GRAMD4: variants seen among roughly 807,000 people sequenced by gnomAD.
GRAMD4 encodes GRAM domain-containing protein 4.
A neutral mutation model predicts 83.9 loss-of-function variants in GRAMD4; 25 were observed. The ratio of observed to expected loss-of-function variants is 0.30; its 90% CI spans 0.22 to 0.42. The LOEUF is 0.42. GRAMD4 is among the 10% of genes least tolerant of loss of function. The probability of loss-of-function intolerance (pLI) is 1.00; values close to 1 mark genes in which losing one functional copy is unlikely to be tolerated. For missense variants in GRAMD4, 593 were observed against 788.7 expected, an observed-to-expected ratio of 0.75 and a Z score of 2.97; for synonymous variants, 336 against 320.9, an observed-to-expected ratio of 1.05 and a Z score of -0.50.
intron 1 of GRAMD4, among the ~76,000 whole-genome samples, chr22:46,600,556 A>G (rs2081302672): frequency 6.6e-6 from 1 of 152,200 alleles, no homozygotes; most frequent in Admixed American, 6.5e-5. Context: ...AAAGAGGGAC[A>G]GGGATGCTGA....
intron 3 of GRAMD4, among the ~76,000 whole-genome samples, chr22:46,647,568 C>A (rs745524613): frequency 1.3e-5 from 2 of 152,252 alleles, no homozygotes; most frequent in Admixed American, 6.5e-5. Flanking sequence ...CTGAACACAC[C>A]TGCCTGTGTG....
rs2081585624 is a variant in GRAMD4, at chr22:46,622,192, AT to A, written c.-50+1629del. 6.6e-6 allele frequency among the ~76,000 whole-genome samples: 1 copy of A among 152,110 alleles called. No individual in the cohort carries two copies. Among genetic ancestry groups the A allele is most frequent in the Admixed American group, 6.5e-5 (1 of 15,278 alleles). ...TTGGGAAGGCAGCCCTGGCCTCGGA[AT>A]TACAGCCTCCCAGACAAGGGGGCTG... On this transcript the variant is annotated intron_variant, in intron 1 of 18. Coordinates refer to ENST00000406902, the MANE Select transcript of GRAMD4 (RefSeq NM_015124.5). The surrounding 1 kb of genome is among the most constrained non-coding windows in gnomAD (Gnocchi z 4.0).
chr22:46,593,694 G>A (rs1230952617), intron 1 of GRAMD4, among the ~76,000 whole-genome samples: 1 of 152,094 alleles, frequency 6.6e-6, no homozygotes, highest in East Asian at 1.9e-4. Flanking sequence ...TTGGGCGTCT[G>A]TGCATAGTCC....
At chr22:46,578,164 C>T (rs1421378329) in intron 1 of GRAMD4, among the ~76,000 whole-genome samples, 1 of 152,160 alleles carries the variant, frequency 6.6e-6, no homozygotes, top group Non-Finnish European at 1.5e-5. Flanking sequence ...TGGGGGAGAC[C>T]TTTTGCAGGA....
At chr22:46,681,388 C>T (rs562371876), downstream of GRAMD4, among the ~76,000 whole-genome samples, 37 of 152,360 alleles carry the variant, frequency 2.4e-4, no homozygotes, top group Middle Eastern at 3.4e-3. Flanking sequence ...CTACATATAC[C>T]TCTATCACCA....
Position 46,658,302 on chromosome 22 carries a change from G to C in GRAMD4, c.399G>C (p.Lys133Asn). The C allele has an allele frequency of 6.2e-7, 1 of 1,610,166 alleles. No homozygotes were observed. The highest frequency in any genetic ancestry group is 8.5e-7 in the Non-Finnish European group (1 of 1,179,118). ...AGCAGAAGGTGCAGGAGGTGCTGAA[G>C]GCCAGGTACCGCGCCTTCCTCGGGG... ...ELEQKVQEVL[K>N]ARTEEQMAQQ... The change falls in exon 4 of 19, where the codon AAG (lysine) becomes AAC (asparagine). Residue 133 changes from lysine (K) to asparagine (N), a missense_variant. Transcript: ENST00000406902.
chr22:46,650,801 G>T (rs2082154861), intron 3 of GRAMD4, among the ~76,000 whole-genome samples: 1 of 152,208 alleles, frequency 6.6e-6, no homozygotes, highest in African/African-American at 2.4e-5. Flanking sequence ...GGTGGCTGGT[G>T]CTGACTGGAA....
intron 2 of GRAMD4, among the ~76,000 whole-genome samples, chr22:46,630,893 G>A (rs372967350): frequency 5.6e-5 from 5 of 88,794 alleles, no homozygotes; most frequent in Admixed American, 1.5e-4. Context: ...CCCTCACCCC[G>A]GCCTCCGCAG....
chr22:46,625,936 G>A (rs143877725), intron 1 of GRAMD4, among the ~76,000 whole-genome samples: 131 of 152,378 alleles, frequency 8.6e-4, no homozygotes, highest in Non-Finnish European at 1.6e-3. Flanking sequence ...GTGTGACCAG[G>A]TTTCTGTGTT....
At chr22:46,590,719 C>T (rs1285427387) in intron 1 of GRAMD4, among the ~76,000 whole-genome samples, 1 of 152,196 alleles carries the variant, frequency 6.6e-6, no homozygotes, top group East Asian at 1.9e-4. Flanking sequence ...GGAGAGTCCA[C>T]AGTGTTGTCT....
At chr22:46,596,909 C>G (rs2081266999) in intron 1 of GRAMD4, among the ~76,000 whole-genome samples, 1 of 152,158 alleles carries the variant, frequency 6.6e-6, no homozygotes, top group Non-Finnish European at 1.5e-5. Flanking sequence ...TTCCACCTGT[C>G]ACTGAGACCT....
At chr22:46,662,417 C>T (rs2082341317) in intron 5 of GRAMD4, among the ~76,000 whole-genome samples, 1 of 152,234 alleles carries the variant, frequency 6.6e-6, no homozygotes, top group Non-Finnish European at 1.5e-5. Flanking sequence ...CACCCCTGAG[C>T]CCCCCTTCCG....
At position 46,591,820 on chromosome 22, in the gene GRAMD4, G is replaced by A. The variant is rs564067230; in HGVS notation, c.-50+14530G>A. On this transcript the variant is annotated intron_variant, in intron 1 of 1. Transcript: ENST00000431155. ...TGCACTCCAGCCTGGGTGACAGAGC[G>A]AGACTCTGTCTCAAAAAAAAAAAAA... 3.0e-4 allele frequency among the ~76,000 whole-genome samples: 33 copies of A among 110,808 alleles called. No homozygotes were observed. In the East Asian group the frequency reaches 8.0e-3, roughly 27 times the overall value. The allele number at this position is 110,808 out of a possible 152,430, so 72.7% of individuals were successfully genotyped here.
At chr22:46,591,895 T>G (rs1353595268) in intron 1 of GRAMD4, among the ~76,000 whole-genome samples, 5 of 10,868 alleles carry the variant, frequency 4.6e-4, no homozygotes, top group Admixed American at 1.1e-3. Flanking sequence ...CCCGCACCCC[T>G]CAGTTAGCCA....
intron 2 of GRAMD4, among the ~76,000 whole-genome samples, chr22:46,627,782 G>A (rs1443767416): frequency 6.6e-6 from 1 of 152,258 alleles, no homozygotes; most frequent in Non-Finnish European, 1.5e-5. Context: ...GACAGTGACT[G>A]TGCGTTGCTT....
Position 46,651,745 on chromosome 22 carries a change from C to T in GRAMD4, c.284-6442C>T, listed in dbSNP as rs117103871. On this transcript the variant is annotated intron_variant, in intron 3 of 18. Transcript: ENST00000406902. ...CCTCCTCCATCCGTGCTGTTCACTG[C>T]GGGGGTTTAGAGAGGCTCGGTGTGC... 5.1e-3 allele frequency among the ~76,000 whole-genome samples: 779 copies of T among 152,308 alleles called. 5 individuals carry two copies. Among genetic ancestry groups the T allele is most frequent in the Non-Finnish European group, 7.7e-3 (526 of 68,028 alleles).
rs563710795 is a variant in GRAMD4, at chr22:46,582,035, G to C, written c.-50+4745G>C. 7.9e-5 allele frequency among the ~76,000 whole-genome samples: 12 copies of C among 152,286 alleles called. No homozygotes were observed. The South Asian group carries it at 2.1e-3, about 26-fold the overall frequency. Reference sequence around the variant, plus strand: ...GGCTGCCACTTCCCTAGAGGAAGCAGGTCTACTGAGGAGCAGTGCTGGGGC... The same window carrying C: ...GGCTGCCACTTCCCTAGAGGAAGCACGTCTACTGAGGAGCAGTGCTGGGGC... On this transcript the variant is annotated intron_variant, in intron 1 of 1. Transcript: ENST00000431155.
At chr22:46,617,502 T>TGTGTAGGTTCCCTTGTGC (rs369139836), upstream of GRAMD4, among the ~76,000 whole-genome samples, 5 of 151,910 alleles carry the variant, frequency 3.3e-5, no homozygotes, top group East Asian at 3.9e-4. Flanking sequence ...GGTTTCCCCG[T>TGTGTAGGTTCCCTTGTGC]GTGTAGGTTC....
chr22:46,610,518 C>T (rs1042349746), intron 1 of GRAMD4, among the ~76,000 whole-genome samples: 4 of 152,224 alleles, frequency 2.6e-5, no homozygotes, highest in Non-Finnish European at 4.4e-5. Flanking sequence ...AGGTGTTCAC[C>T]GCCCGGCCTC....
Sources: allele counts gnomAD v4.1 joint callset (sites outside exome capture counted in the v4.1 genomes callset), GRCh38; gene constraint gnomAD v4.1.1; non-coding constraint Gnocchi (gnomAD v3.1); transcripts MANE v1.5; gene names NCBI Gene and HGNC (gene_info 2026-07-23, HGNC 2026-07-21).